The following SCAI variants were observed in gnomAD, a reference collection of about 807,000 sequenced individuals.
SCAI encodes the protein suppressor of cancer cell invasion, also known as protein SCAI.
In SCAI, 24 loss-of-function variants were observed where a neutral mutation model predicts 92.2. The ratio of observed to expected loss-of-function variants is 0.26; its 90% CI spans 0.19 to 0.37. The LOEUF is 0.37. Ranked by LOEUF, SCAI falls within the 10% of genes least tolerant of loss-of-function variation. The pLI is 1.00. For missense variants in SCAI, 450 were observed against 736.2 expected, an observed-to-expected ratio of 0.61 and a Z score of 4.50; for synonymous variants, 261 against 258.6, an observed-to-expected ratio of 1.01 and a Z score of -0.09.
At chr9:124,954,247 A>C (rs1208889121) in intron 17 of SCAI, among the ~76,000 whole-genome samples, 1 of 152,256 alleles carries the variant, frequency 6.6e-6, no homozygotes, top group Non-Finnish European at 1.5e-5. Context: ...GTTTAATATC[A>C]AATGGAACAA....
chr9:125,085,364 G>A (rs1026103414), intron 2 of SCAI, among the ~76,000 whole-genome samples: 18 of 152,136 alleles, frequency 1.2e-4, no homozygotes, highest in Admixed American at 1.2e-3. Flanking sequence ...GCGTGCACCT[G>A]TAGTCACAGC....
At chr9:124,959,609 T>G (rs1489040930) in intron 17 of SCAI, among the ~76,000 whole-genome samples, 1 of 151,684 alleles carries the variant, frequency 6.6e-6, no homozygotes, top group African/African-American at 2.4e-5. Context: ...TATGTACACA[T>G]GTGCCATGTT....
At chr9:125,015,109 T>G (rs10986519) in intron 9 of SCAI, among the ~76,000 whole-genome samples, 95,701 of 151,914 alleles carry the variant, frequency 0.63, 30,477 homozygotes, top group African/African-American at 0.66. Flanking sequence ...TACCATTCAG[T>G]ACGTAGGCAT....
In SCAI at chr9:125,020,168, T is replaced by C. The variant is rs536254986; in HGVS notation, c.609+505A>G. On this transcript the variant is annotated intron_variant, in intron 7 of 17. Coordinates refer to ENST00000336505, the MANE Select transcript of SCAI (RefSeq NM_001144877.3). ...AAAATTAAGTATGCCATTGAAACTA[T>C]TGAATACAGAATGCAATCAGAATTT... 3.3e-5 allele frequency among the ~76,000 whole-genome samples: 5 copies of C among 152,008 alleles called. No homozygotes were observed. The South Asian group carries it at 6.2e-4, about 19-fold the overall frequency.
intron 14 of SCAI, among the ~76,000 whole-genome samples, chr9:124,977,601 G>A (rs915727524): frequency 6.6e-6 from 1 of 152,198 alleles, no homozygotes; most frequent in Non-Finnish European, 1.5e-5. Flanking sequence ...TTGCACCAGG[G>A]AGGTCAAGGC....
At chr9:125,117,533 G>A (rs996934792) in intron 2 of SCAI, among the ~76,000 whole-genome samples, 2 of 151,912 alleles carry the variant, frequency 1.3e-5, no homozygotes, top group Non-Finnish European at 2.9e-5. Context: ...GGGCATGATG[G>A]TGCGTGCCTG....
intron 17 of SCAI, among the ~76,000 whole-genome samples, chr9:124,965,845 G>T (rs1272019830): frequency 6.6e-6 from 1 of 152,068 alleles, no homozygotes; most frequent in Non-Finnish European, 1.5e-5. Context: ...GGATCCCATG[G>T]TGTTATGCAA....
intron 2 of SCAI, among the ~76,000 whole-genome samples, chr9:125,084,352 A>C (rs1834284360): frequency 6.6e-6 from 1 of 151,680 alleles, no homozygotes; most frequent in Non-Finnish European, 1.5e-5. Context: ...TTGTATTTTT[A>C]GTAGAGACGG....
At chr9:125,129,418 A>G (rs552339496) in intron 2 of SCAI, among the ~76,000 whole-genome samples, 2 of 151,796 alleles carry the variant, frequency 1.3e-5, no homozygotes, top group African/African-American at 4.8e-5. Context: ...ACTTAAAAAA[A>G]ATAAATAAAA....
At chr9:125,009,195 A>G (rs529360762) in intron 9 of SCAI, among the ~76,000 whole-genome samples, 1 of 152,356 alleles carries the variant, frequency 6.6e-6, no homozygotes, top group East Asian at 1.9e-4. Context: ...AGGATTGGAA[A>G]AAATACAAAA....
chr9:125,042,977 T>C (rs142865263), intron 3 of SCAI, among the ~76,000 whole-genome samples: 2,752 of 146,742 alleles, frequency 0.019, 82 homozygotes, highest in African/African-American at 0.063. Flanking sequence ...GCGATTCTCA[T>C]GCCTCAGCTT....
At chr9:125,001,882 T>G in intron 12 of SCAI, 83 bp downstream of exon 12, 1 of 935,290 alleles carries the variant, frequency 1.1e-6, no homozygotes, top group Non-Finnish European at 1.7e-6. Flanking sequence ...GCTGAGATGG[T>G]CTGTGGGCTA....
At position 124,963,547 on chromosome 9, in the gene SCAI, C is replaced by T. The variant is rs189455388; in HGVS notation, c.1674+7823G>A. Among the ~76,000 whole-genome samples the T allele has an allele frequency of 1.2e-3, 183 of 151,624 alleles. 1 individual carries two copies. Among genetic ancestry groups the T allele is most frequent in the African/African-American group, 4.1e-3 (168 of 41,384 alleles). On this transcript the variant is annotated intron_variant, in intron 17 of 17. Coordinates refer to ENST00000336505, the MANE Select transcript of SCAI (RefSeq NM_001144877.3). ...GGAGGATCACTTGAGGCCAGGAGTT[C>T]GAGACCAGGTTGGCCAACATGGCGA...
intron 2 of SCAI, among the ~76,000 whole-genome samples, chr9:125,120,087 A>C (rs1835128452): frequency 6.6e-6 from 1 of 152,212 alleles, no homozygotes; most frequent in East Asian, 1.9e-4. Flanking sequence ...TAAGAGACTG[A>C]GACACAGGCT....
At chr9:124,992,786 C>G (rs971725593) in intron 14 of SCAI, among the ~76,000 whole-genome samples, 1 of 152,184 alleles carries the variant, frequency 6.6e-6, no homozygotes, top group Non-Finnish European at 1.5e-5. Context: ...CAACAAAAGA[C>G]TTGCTATTAT....
At chr9:124,972,246 G>A (rs962056878) in intron 15 of SCAI, among the ~76,000 whole-genome samples, 1 of 152,072 alleles carries the variant, frequency 6.6e-6, no homozygotes, top group Non-Finnish European at 1.5e-5. Context: ...TCTTAAATAT[G>A]AGTAGTTTCT....
At chr9:125,020,608 T>C in intron 7 of SCAI, 65 bp downstream of exon 7, 2 of 708,536 alleles carry the variant, frequency 2.8e-6, no homozygotes. Context: ...AAATCTGTTT[T>C]TTAAAAATAA....
chr9:125,137,335 G>A (rs1835560909), intron 2 of SCAI, among the ~76,000 whole-genome samples: 1 of 152,152 alleles, frequency 6.6e-6, no homozygotes, highest in Non-Finnish European at 1.5e-5. Context: ...ATTGCAACCT[G>A]ATGCTTACTT....
chr9:125,042,666 C>CACACACAT (rs1157919578), intron 3 of SCAI, among the ~76,000 whole-genome samples: 1 of 140,286 alleles, frequency 7.1e-6, no homozygotes, highest in African/African-American at 2.8e-5. Context: ...CACACACACA[C>CACACACAT]ATATACAAAA....
Sources: allele counts gnomAD v4.1 joint callset (sites outside exome capture counted in the v4.1 genomes callset), GRCh38; gene constraint gnomAD v4.1.1; transcripts MANE v1.5; gene names NCBI Gene and HGNC (gene_info 2026-07-23, HGNC 2026-07-21).